MEIS2: variants seen among roughly 807,000 people sequenced by gnomAD.
The protein encoded by MEIS2 is Meis homeobox 2.
A neutral mutation model predicts 58.6 loss-of-function variants in MEIS2; 9 were observed. That is an observed-to-expected ratio of 0.15 (90% CI 0.09 to 0.27). The LOEUF (loss-of-function observed/expected upper bound fraction) is 0.27. MEIS2 is among the 10% of genes least tolerant of loss of function. The pLI, the probability that MEIS2 is intolerant of heterozygous loss-of-function variation, is 1.00. For missense variants in MEIS2, 427 were observed against 635.0 expected (o/e 0.67, Z 3.52); for synonymous variants, 221 against 228.4 (o/e 0.97, Z 0.29).
chr15:37,022,115 C>G (rs1049425490), intron 8 of MEIS2, among the ~76,000 whole-genome samples: 11 of 151,854 alleles, frequency 7.2e-5, no homozygotes, highest in Non-Finnish European at 1.6e-4. Flanking sequence ...TTCTTCATGA[C>G]AAACTCCTAG....
intron 8 of MEIS2, among the ~76,000 whole-genome samples, chr15:37,030,077 G>A (rs913278941): frequency 1.9e-4 from 29 of 152,272 alleles, no homozygotes; most frequent in African/African-American, 6.5e-4. Context: ...ACACTCTAAG[G>A]AAGATAGCAA....
At chr15:37,067,589 C>T (rs1212348665) in intron 7 of MEIS2, among the ~76,000 whole-genome samples, 1 of 87,736 alleles carries the variant, frequency 1.1e-5, no homozygotes, top group Admixed American at 1.4e-4. Context: ...AAACAGAAAT[C>T]AGAAATTAAA....
intron 8 of MEIS2, among the ~76,000 whole-genome samples, chr15:36,995,990 T>G (rs200911978): frequency 1.9e-5 from 1 of 51,876 alleles, no homozygotes; most frequent in African/African-American, 4.5e-5. Flanking sequence ...TATATATATA[T>G]ATATATATAT....
intron 7 of MEIS2, among the ~76,000 whole-genome samples, chr15:37,083,538 C>T (rs1892507678): frequency 6.6e-6 from 1 of 152,238 alleles, no homozygotes; most frequent in Admixed American, 6.5e-5. Flanking sequence ...ATTGGCAGAA[C>T]TAATCAATTG....
chr15:37,098,433 A>C, intron 1 of MEIS2: 4 of 1,204,228 alleles, frequency 3.3e-6, no homozygotes, highest in Non-Finnish European at 4.2e-6. Context: ...AGAAAATAAA[A>C]ATAAAAACAA....
At position 37,002,708 on chromosome 15, in the gene MEIS2, C is replaced by T. The variant is rs185831906; in HGVS notation, c.900+34106G>A. On this transcript the variant is annotated intron_variant, in intron 8 of 11. Transcript: ENST00000561208. The stretch of plus-strand genomic sequence containing the variant: ...ATTAATGAAGGGGGTGAAGGAGCTT[C>T]GTATATTTCACATCTTGGCCCACTT... 4.6e-5 allele frequency among the ~76,000 whole-genome samples: 7 copies of T among 151,982 alleles called. No homozygotes were observed. In the East Asian group the frequency reaches 9.7e-4, roughly 21 times the overall value.
At chr15:36,952,695 G>C (rs2058804434) in intron 8 of MEIS2, among the ~76,000 whole-genome samples, 1 of 151,338 alleles carries the variant, frequency 6.6e-6, no homozygotes, top group Admixed American at 6.6e-5. Flanking sequence ...ATGAAATAAA[G>C]GTTTAGGGTG....
chr15:36,992,741 T>C (rs928397472), intron 8 of MEIS2, among the ~76,000 whole-genome samples: 43 of 151,902 alleles, frequency 2.8e-4, no homozygotes, highest in African/African-American at 9.9e-4. Context: ...TGAAATTAGA[T>C]AATTTCATTT....
At chr15:36,927,262 G>T (rs1433475592) in intron 9 of MEIS2, among the ~76,000 whole-genome samples, 1 of 152,080 alleles carries the variant, frequency 6.6e-6, no homozygotes, top group East Asian at 1.9e-4. Context: ...ATGATGGGGG[G>T]GTCTGATGTA....
intron 8 of MEIS2, among the ~76,000 whole-genome samples, chr15:36,995,967 A>AACC (rs2060481938): frequency 3.7e-4 from 2 of 5,384 alleles, no homozygotes; most frequent in Non-Finnish European, 8.4e-4. Context: ...ATATATATAT[A>AACC]TATATATATA....
At chr15:37,047,806 A>C (rs1304408797) in intron 7 of MEIS2, among the ~76,000 whole-genome samples, 1 of 152,216 alleles carries the variant, frequency 6.6e-6, no homozygotes, top group Non-Finnish European at 1.5e-5. Context: ...AATTATGCAA[A>C]TAACAATTTT....
intron 11 of MEIS2, chr15:36,894,912 G>T: frequency 9.2e-7 from 1 of 1,092,074 alleles, no homozygotes; most frequent in Non-Finnish European, 1.4e-6. Context: ...TTATTGCCTT[G>T]GTTTAAAAAG....
intron 8 of MEIS2, among the ~76,000 whole-genome samples, chr15:36,985,098 C>T (rs1375714037): frequency 6.6e-6 from 1 of 152,032 alleles, no homozygotes; most frequent in Non-Finnish European, 1.5e-5. Flanking sequence ...CTCTTATACT[C>T]TTGACTATCA....
At chr15:37,091,077 A>G (rs1567286566) in intron 6 of MEIS2, among the ~76,000 whole-genome samples, 1 of 152,160 alleles carries the variant, frequency 6.6e-6, no homozygotes, top group Non-Finnish European at 1.5e-5. Flanking sequence ...AATTGGGCAC[A>G]TTTACATGCT....
intron 8 of MEIS2, among the ~76,000 whole-genome samples, chr15:37,019,774 A>G (rs1442349914): frequency 1.3e-5 from 2 of 152,132 alleles, no homozygotes; most frequent in African/African-American, 4.8e-5. Context: ...CACAGTGTGG[A>G]TTTCAAATAT....
At chr15:37,011,964 G>A (rs182256741) in intron 8 of MEIS2, among the ~76,000 whole-genome samples, 194 of 152,120 alleles carry the variant, frequency 1.3e-3, no homozygotes, top group African/African-American at 4.2e-3. Context: ...GATAGTTGTG[G>A]CTTGATTCAT....
At chr15:37,091,331 C>G (rs988232821) in intron 6 of MEIS2, among the ~76,000 whole-genome samples, 2 of 152,090 alleles carry the variant, frequency 1.3e-5, no homozygotes, top group African/African-American at 4.8e-5. Context: ...AAGTCTGTGG[C>G]AAATCTCTCC....
At chr15:37,004,861 A>G (rs1004342284) in intron 8 of MEIS2, among the ~76,000 whole-genome samples, 14 of 152,240 alleles carry the variant, frequency 9.2e-5, no homozygotes, top group Admixed American at 5.2e-4. Context: ...CAACACAAAG[A>G]AAAGATAAAT....
chr15:36,948,260 T>G (rs2058641290), intron 9 of MEIS2, among the ~76,000 whole-genome samples: 1 of 151,856 alleles, frequency 6.6e-6, no homozygotes, highest in South Asian at 2.1e-4. Flanking sequence ...ATGGCTCAAA[T>G]AATAGAGAAA....
Sources: gnomAD v4.1 joint callset for allele counts (sites outside exome capture counted in the v4.1 genomes callset) on GRCh38, gnomAD v4.1.1 for gene constraint, MANE v1.5 for transcripts, NCBI Gene and HGNC (gene_info 2026-07-23, HGNC 2026-07-21) for gene names.